CCDC33: variants seen among roughly 807,000 people sequenced by gnomAD.
CCDC33 encodes coiled-coil domain containing 33.
In CCDC33, 94 loss-of-function variants were observed where a neutral mutation model predicts 91.9. That is an observed-to-expected ratio of 1.02 (90% CI 0.87 to 1.21). CCDC33 has a LOEUF of 1.21. CCDC33 is among the 50% of genes most tolerant of loss of function. CCDC33 has a pLI of 0.00. For missense variants in CCDC33, 940 were observed against 935.5 expected (o/e 1.00, Z -0.06); for synonymous variants, 396 against 374.5 (o/e 1.06, Z -0.66).
intron 1 of CCDC33, among the ~76,000 whole-genome samples, chr15:74,237,561 C>T (rs919970831): frequency 6.6e-6 from 1 of 152,174 alleles, no homozygotes; most frequent in African/African-American, 2.4e-5. Flanking sequence ...ATTTCCACTT[C>T]ATTACTCTTG....
At chr15:74,262,010 G>C (rs1047055391) in intron 2 of CCDC33, among the ~76,000 whole-genome samples, 1 of 152,202 alleles carries the variant, frequency 6.6e-6, no homozygotes, top group African/African-American at 2.4e-5. Context: ...GAAGAAGAGA[G>C]GACAGCCAGG....
intron 2 of CCDC33, among the ~76,000 whole-genome samples, chr15:74,249,877 T>G (rs1023843278): frequency 1.3e-5 from 2 of 152,056 alleles, no homozygotes; most frequent in Admixed American, 1.3e-4. Context: ...GACAACTCAG[T>G]CTCTTTGAAG....
At chr15:74,283,201 AGAGGCACCAGAATCTT>A (rs2059402346) in intron 10 of CCDC33, among the ~76,000 whole-genome samples, 1 of 152,212 alleles carries the variant, frequency 6.6e-6, no homozygotes, top group Admixed American at 6.5e-5. Flanking sequence ...ACCCCAAGAA[AGAGGCACCAGAATCTT>A]GGAGAAAAAG....
At chr15:74,306,202 C>T (rs1017519079) in intron 11 of CCDC33, among the ~76,000 whole-genome samples, 8 of 152,132 alleles carry the variant, frequency 5.3e-5, no homozygotes, top group African/African-American at 1.9e-4. Flanking sequence ...CTCAAGAAGT[C>T]CCAATTGAGC....
intron 2 of CCDC33, among the ~76,000 whole-genome samples, chr15:74,254,095 T>A (rs1484726181): frequency 6.6e-6 from 1 of 152,092 alleles, no homozygotes; most frequent in Non-Finnish European, 1.5e-5. Context: ...TGCAGTGGTG[T>A]GATCTCAGCT....
intron 10 of CCDC33, among the ~76,000 whole-genome samples, chr15:74,292,568 G>A (rs1055456318): frequency 1.3e-5 from 2 of 152,192 alleles, no homozygotes; most frequent in African/African-American, 4.8e-5. Flanking sequence ...CTGTTTGGAG[G>A]TCTAAAGATT....
In CCDC33 at chr15:74,315,977, G is replaced by C. The variant is rs1280560091; in HGVS notation, c.1291-14212G>C. 2.6e-5 allele frequency among the ~76,000 whole-genome samples: 4 copies of C among 152,146 alleles called. No homozygotes were observed. The East Asian group carries it at 7.7e-4, about 29-fold the overall frequency. On this transcript the variant is annotated intron_variant, in intron 11 of 18. Transcript: ENST00000398814. ...TCCTCTCCCTCCCCACTCCAGCCAGGCACCTGCCCTGTTTCCTGGGACCCC... is the reference window on the plus strand; with the variant it reads ...TCCTCTCCCTCCCCACTCCAGCCAGCCACCTGCCCTGTTTCCTGGGACCCC...
intron 2 of CCDC33, among the ~76,000 whole-genome samples, chr15:74,230,183 G>A (rs760850123): frequency 6.6e-6 from 1 of 152,196 alleles, no homozygotes; most frequent in Non-Finnish European, 1.5e-5. Flanking sequence ...CTGCAGTGAT[G>A]GGGTCCTACT....
chr15:74,256,679 C>T (rs1000728375), intron 2 of CCDC33, among the ~76,000 whole-genome samples: 9 of 152,196 alleles, frequency 5.9e-5, no homozygotes, highest in African/African-American at 9.7e-5. Context: ...GTGCAGACAG[C>T]GGCCCTTCCT....
chr15:74,297,875 C>G (rs1021494903), intron 11 of CCDC33, among the ~76,000 whole-genome samples: 1 of 152,202 alleles, frequency 6.6e-6, no homozygotes, highest in Admixed American at 6.5e-5. Flanking sequence ...ACCAGCCAAC[C>G]CTCTGCCCTC....
chr15:74,306,364 G>A (rs1244492474), intron 11 of CCDC33, among the ~76,000 whole-genome samples: 1 of 152,182 alleles, frequency 6.6e-6, no homozygotes, highest in African/African-American at 2.4e-5. Context: ...CAGAATGCCA[G>A]GGTAGTCTGC....
rs2059775520 is a variant in CCDC33 at position 74,300,603 on chromosome 15, CTCA to C, written c.1290+4660_1290+4662del. On this transcript the variant is annotated intron_variant, in intron 11 of 18. Coordinates refer to ENST00000398814, the MANE Select transcript of CCDC33 (RefSeq NM_025055.5). ...AGGAGTGTGTTTGTCTATATCCAGT[CTCA>C]TCATGCATTCCCCGGAGCCCAAAAA... 2.6e-5 allele frequency: 4 copies of C among 152,284 alleles called. No homozygotes were observed. The South Asian group carries it at 8.3e-4, about 31-fold the overall frequency. 9.4% of individuals were successfully genotyped at this position (152,284 alleles called of 1,614,324 possible).
chr15:74,214,321 G>C (rs1311135370), upstream of CCDC33, among the ~76,000 whole-genome samples: 1 of 152,100 alleles, frequency 6.6e-6, no homozygotes, highest in Non-Finnish European at 1.5e-5. Flanking sequence ...AGGTGGCTTG[G>C]AAGTTCGCCT....
intron 10 of CCDC33, 127 bp downstream of exon 10, chr15:74,281,976 C>T (rs1472707578): frequency 2.7e-5 from 20 of 739,296 alleles, no homozygotes; most frequent in Admixed American, 1.0e-4. Context: ...TGGATAGAAA[C>T]GTCTAAGGGT....
intron 4 of CCDC33, 29 bp downstream of exon 4, chr15:74,266,816 G>C: frequency 6.5e-7 from 1 of 1,550,032 alleles, no homozygotes; most frequent in Non-Finnish European, 8.9e-7. Flanking sequence ...GAAGTGCCGG[G>C]AGAGCAGGTG....
chr15:74,283,548 G>T (rs1025761873), intron 10 of CCDC33, among the ~76,000 whole-genome samples: 1 of 152,176 alleles, frequency 6.6e-6, no homozygotes, highest in Non-Finnish European at 1.5e-5. Flanking sequence ...CTTCCAGCTG[G>T]CGGCCTCACT....
chr15:74,318,632 G>T (rs1596110371), intron 11 of CCDC33: 1 of 763,094 alleles, frequency 1.3e-6, no homozygotes, highest in African/African-American at 1.7e-5. Flanking sequence ...CCCCAAGGCT[G>T]CCCCAGGCCT....
At chr15:74,299,059 G>A (rs2059743652) in intron 11 of CCDC33, among the ~76,000 whole-genome samples, 1 of 152,184 alleles carries the variant, frequency 6.6e-6, no homozygotes, top group African/African-American at 2.4e-5. Context: ...CGACAGAGGA[G>A]TAGGCAGAGA....
At chr15:74,272,070 C>T (rs914075709) in intron 6 of CCDC33, among the ~76,000 whole-genome samples, 5 of 152,136 alleles carry the variant, frequency 3.3e-5, no homozygotes, top group African/African-American at 1.2e-4. Flanking sequence ...GGATGAGTGC[C>T]GATACCAGGC....
Sources: gnomAD v4.1 joint callset for allele counts (sites outside exome capture counted in the v4.1 genomes callset) on GRCh38, gnomAD v4.1.1 for gene constraint, MANE v1.5 for transcripts, NCBI Gene and HGNC (gene_info 2026-07-23, HGNC 2026-07-21) for gene names.